The following SORBS2 variants were observed in gnomAD, a reference collection of about 807,000 sequenced individuals.
SORBS2 encodes sorbin and SH3 domain-containing protein 2.
In SORBS2, 46 loss-of-function variants were observed where a neutral mutation model predicts 97.7. The ratio of observed to expected loss-of-function variants is 0.47; its 90% CI spans 0.37 to 0.60. SORBS2 has a LOEUF of 0.60. Ranked by LOEUF, SORBS2 falls within the 20% of genes least tolerant of loss-of-function variation. SORBS2 has a pLI of 0.00. For synonymous variants in SORBS2, 476 were observed against 473.4 expected (o/e 1.01, Z -0.07); for missense variants, 1,316 against 1,282.3 (o/e 1.03, Z -0.40).
intron 2 of SORBS2, among the ~76,000 whole-genome samples, chr4:185,707,449 G>A (rs776556233): frequency 6.6e-6 from 1 of 151,956 alleles, no homozygotes; most frequent in African/African-American, 2.4e-5. Context: ...ACCCTGTAAT[G>A]AGCAATATTG....
intron 12 of SORBS2, among the ~76,000 whole-genome samples, chr4:185,598,357 A>G (rs1387058535): frequency 2.6e-5 from 4 of 152,226 alleles, no homozygotes; most frequent in African/African-American, 7.2e-5. Context: ...AAACGGATAC[A>G]AAAGAGACAA....
intron 1 of SORBS2, among the ~76,000 whole-genome samples, chr4:185,919,719 A>G (rs923295640): frequency 6.6e-6 from 1 of 152,232 alleles, no homozygotes; most frequent in East Asian, 1.9e-4. Context: ...AATTGACATC[A>G]CCAGAAATAG....
At chr4:185,616,738 T>C (rs2096633735) in intron 9 of SORBS2, among the ~76,000 whole-genome samples, 2 of 152,274 alleles carry the variant, frequency 1.3e-5, no homozygotes, top group African/African-American at 2.4e-5. Flanking sequence ...TTTGCTTTTT[T>C]CCCCTCACTT....
intron 1 of SORBS2, among the ~76,000 whole-genome samples, chr4:185,854,008 G>A (rs1312946912): frequency 6.6e-6 from 1 of 152,158 alleles, no homozygotes; most frequent in Non-Finnish European, 1.5e-5. Flanking sequence ...CTCCATACGT[G>A]AATCATCCAT....
intron 1 of SORBS2, among the ~76,000 whole-genome samples, chr4:185,862,788 T>G (rs1197180742): frequency 6.6e-6 from 1 of 152,202 alleles, no homozygotes; most frequent in Non-Finnish European, 1.5e-5. Context: ...GTCCCCCTCT[T>G]GTTTCCCCTC....
At chr4:185,654,685 A>G (rs1317998331) in intron 1 of SORBS2, among the ~76,000 whole-genome samples, 1 of 152,262 alleles carries the variant, frequency 6.6e-6, no homozygotes, top group African/African-American at 2.4e-5. Flanking sequence ...TGTAAATGCC[A>G]TCATGGAGAT....
intron 2 of SORBS2, among the ~76,000 whole-genome samples, chr4:185,683,957 T>A (rs1303952220): frequency 6.6e-6 from 1 of 152,166 alleles, no homozygotes; most frequent in African/African-American, 2.4e-5. Flanking sequence ...GTAAGACCCA[T>A]TAATCTTATA....
chr4:185,725,269 C>T (rs753712316), intron 2 of SORBS2, among the ~76,000 whole-genome samples: 34 of 152,176 alleles, frequency 2.2e-4, no homozygotes, highest in African/African-American at 3.4e-4. Flanking sequence ...CTGCAAAAAG[C>T]GCCAGGCTGC....
At chr4:185,610,164 C>T (rs2096510358) in intron 12 of SORBS2, among the ~76,000 whole-genome samples, 1 of 152,124 alleles carries the variant, frequency 6.6e-6, no homozygotes, top group Admixed American at 6.5e-5. Context: ...TATATTAGGA[C>T]ATATGGAAGA....
chr4:185,860,700 C>T (rs561856713), intron 1 of SORBS2, among the ~76,000 whole-genome samples: 3 of 152,224 alleles, frequency 2.0e-5, no homozygotes, highest in East Asian at 1.9e-4. Context: ...ATAAGGTGTA[C>T]TTTGGTTCAG....
At chr4:185,882,338 G>A (rs2099237290) in intron 1 of SORBS2, among the ~76,000 whole-genome samples, 1 of 152,098 alleles carries the variant, frequency 6.6e-6, no homozygotes, top group South Asian at 2.1e-4. Context: ...AAAGTATTAT[G>A]TAAAACAACA....
chr4:185,887,522 A>ATGCAGCCTGCAGATT (rs2099240282), intron 1 of SORBS2, among the ~76,000 whole-genome samples: 1 of 152,248 alleles, frequency 6.6e-6, no homozygotes, highest in Non-Finnish European at 1.5e-5. Context: ...TGCATATACC[A>ATGCAGCCTGCAGATT]TGCAGCCTGC....
intron 2 of SORBS2, among the ~76,000 whole-genome samples, chr4:185,720,412 C>G (rs1419669925): frequency 6.6e-6 from 1 of 152,184 alleles, no homozygotes; most frequent in Non-Finnish European, 1.5e-5. Context: ...TTCTAACTGT[C>G]TTGGGTTGAG....
At chr4:185,874,866 T>TTTTTTTTTTTTTTTTC (rs775209042) in intron 1 of SORBS2, among the ~76,000 whole-genome samples, 2 of 113,444 alleles carry the variant, frequency 1.8e-5, no homozygotes, top group Non-Finnish European at 4.0e-5. Context: ...TGATTTTTTT[T>TTTTTTTTTTTTTTTTC]TTTTTTGCAT....
At chr4:185,860,580 C>A (rs2099223148) in intron 1 of SORBS2, among the ~76,000 whole-genome samples, 1 of 152,148 alleles carries the variant, frequency 6.6e-6, no homozygotes, top group Non-Finnish European at 1.5e-5. Context: ...ATGTGAGGAC[C>A]ATAATCCATA....
At chr4:185,817,512 A>AT (rs2099193956) in intron 1 of SORBS2, among the ~76,000 whole-genome samples, 1 of 152,200 alleles carries the variant, frequency 6.6e-6, no homozygotes. Flanking sequence ...GACCACATTA[A>AT]TAGAGTGTAG....
intron 1 of SORBS2, among the ~76,000 whole-genome samples, chr4:185,935,643 G>T (rs2099268559): frequency 6.6e-6 from 1 of 152,142 alleles, no homozygotes; most frequent in African/African-American, 2.4e-5. Flanking sequence ...TATTGATAGG[G>T]CTAATTATCA....
exon 5 of SORBS2, chr4:185,662,156 A>G: frequency 6.2e-7 from 1 of 1,614,092 alleles, no homozygotes; most frequent in Non-Finnish European, 8.5e-7. Flanking sequence ...AGGCTGGGAG[A>G]GAATATGCCG....
intron 1 of SORBS2, among the ~76,000 whole-genome samples, chr4:185,880,459 T>C (rs1196920728): frequency 1.3e-5 from 2 of 152,172 alleles, no homozygotes; most frequent in East Asian, 3.9e-4. Context: ...CCTATCAAAA[T>C]GTAAAAGAAA....
Sources: gnomAD v4.1 joint callset for allele counts (sites outside exome capture counted in the v4.1 genomes callset) on GRCh38, gnomAD v4.1.1 for gene constraint, MANE v1.5 for transcripts, NCBI Gene and HGNC (gene_info 2026-07-23, HGNC 2026-07-21) for gene names.